FMO1: variants seen among roughly 807,000 people sequenced by gnomAD.
FMO1 encodes the protein flavin-containing monooxygenase 1.
In FMO1, 36 loss-of-function variants were observed where a neutral mutation model predicts 45.4. That is an observed-to-expected ratio of 0.79 (90% CI 0.61 to 1.05). The LOEUF (loss-of-function observed/expected upper bound fraction) is 1.05, where lower values mean the gene tolerates loss of function less well. Ranked by LOEUF, FMO1 falls within the 50% of genes least tolerant of loss-of-function variation. The pLI, the probability that FMO1 is intolerant of heterozygous loss-of-function variation, is 0.00. For missense variants in FMO1, 615 were observed against 640.3 expected, an observed-to-expected ratio of 0.96 and a Z score of 0.43; for synonymous variants, 228 against 227.2, an observed-to-expected ratio of 1.00 and a Z score of -0.03.
At chr1:171,281,028 C>A in intron 6 of FMO1, 43 bp downstream of exon 6, 2 of 1,538,686 alleles carry the variant, frequency 1.3e-6, no homozygotes, top group Non-Finnish European at 1.8e-6. Context: ...GAAGAAGGAG[C>A]CTCTGCCTGT....
intron 3 of FMO1, among the ~76,000 whole-genome samples, chr1:171,272,399 T>G (rs1660907329): frequency 6.6e-6 from 1 of 151,940 alleles, no homozygotes; most frequent in Admixed American, 6.6e-5. Context: ...CCACACAGAG[T>G]CTCTACTGGG....
intron 2 of FMO1, among the ~76,000 whole-genome samples, chr1:171,265,459 C>CA (rs1460280826): frequency 4.1e-5 from 6 of 146,672 alleles, no homozygotes; most frequent in African/African-American, 7.5e-5. Flanking sequence ...ATGACACAAA[C>CA]AAAAAATACA....
At chr1:171,265,457 A>G (rs1355543618) in intron 2 of FMO1, among the ~76,000 whole-genome samples, 1 of 152,160 alleles carries the variant, frequency 6.6e-6, no homozygotes, top group Non-Finnish European at 1.5e-5. Context: ...AAATGACACA[A>G]ACAAAAAATA....
chr1:171,260,757 C>T (rs1308750798), intron 2 of FMO1, among the ~76,000 whole-genome samples: 1 of 151,544 alleles, frequency 6.6e-6, no homozygotes, highest in African/African-American at 2.4e-5. Flanking sequence ...ATGGCGAAAT[C>T]CCATCTCTAC....
chr1:171,281,505 G>T (rs142835018), intron 6 of FMO1, among the ~76,000 whole-genome samples: 1 of 152,298 alleles, frequency 6.6e-6, no homozygotes, highest in East Asian at 1.9e-4. Context: ...AGCTCACAAA[G>T]TGTTTGTCTT....
At chr1:171,248,885 A>C (rs1318767272) in intron 1 of FMO1, among the ~76,000 whole-genome samples, 1 of 151,048 alleles carries the variant, frequency 6.6e-6, no homozygotes, top group Non-Finnish European at 1.5e-5. Context: ...TTCCATGTAC[A>C]CAGGTAAGTA....
intron 8 of FMO1, among the ~76,000 whole-genome samples, chr1:171,284,714 A>T (rs1661543979): frequency 6.6e-6 from 1 of 150,572 alleles, no homozygotes; most frequent in African/African-American, 2.5e-5. Context: ...CCTAGGTGAC[A>T]GAGCAAGACC....
At chr1:171,264,333 T>C (rs1004324944) in intron 2 of FMO1, among the ~76,000 whole-genome samples, 21 of 147,794 alleles carry the variant, frequency 1.4e-4, no homozygotes, top group African/African-American at 4.7e-4. Context: ...TGTATATATA[T>C]ATACACACAC....
At chr1:171,250,642 ATCAG>A (rs1372736502) in intron 1 of FMO1, among the ~76,000 whole-genome samples, 1 of 152,242 alleles carries the variant, frequency 6.6e-6, no homozygotes, top group African/African-American at 2.4e-5. Context: ...GTAGTTAAAA[ATCAG>A]TCACTTTTAT....
intron 3 of FMO1, chr1:171,271,002 ATCT>A (rs1660837102): frequency 8.4e-6 from 8 of 954,038 alleles, no homozygotes; most frequent in African/African-American, 4.9e-5. Flanking sequence ...CCTCATCATA[ATCT>A]TCTTCATCTT....
chr1:171,277,154 A>G (rs1321397775), intron 4 of FMO1, among the ~76,000 whole-genome samples: 1 of 152,200 alleles, frequency 6.6e-6, no homozygotes, highest in Non-Finnish European at 1.5e-5. Flanking sequence ...AGAGTTGAAG[A>G]GCAGTTCTCC....
intron 1 of FMO1, among the ~76,000 whole-genome samples, chr1:171,253,582 A>G (rs765636540): frequency 3.9e-5 from 6 of 152,008 alleles, no homozygotes; most frequent in Non-Finnish European, 7.4e-5. Flanking sequence ...ACCGACATGG[A>G]GAAACCCCAT....
chr1:171,254,095 C>CA (rs1470553676), intron 1 of FMO1: 1 of 148,310 alleles, frequency 6.7e-6, no homozygotes, highest in Non-Finnish European at 1.5e-5. Flanking sequence ...ACTGAGTTAA[C>CA]TTTTTTTTTT....
chr1:171,270,857 G>C, intron 3 of FMO1: 1 of 693,794 alleles, frequency 1.4e-6, no homozygotes, highest in Non-Finnish European at 2.3e-6. Context: ...ATCCTACACA[G>C]ACTTACATTT....
chr1:171,252,303 A>G (rs1264713567), intron 1 of FMO1, among the ~76,000 whole-genome samples: 1 of 152,072 alleles, frequency 6.6e-6, no homozygotes, highest in Non-Finnish European at 1.5e-5. Context: ...TTTAGCAGTG[A>G]CATTCCCAGA....
intron 3 of FMO1, among the ~76,000 whole-genome samples, chr1:171,274,875 G>C (rs1232758030): frequency 6.6e-6 from 1 of 152,158 alleles, no homozygotes; most frequent in East Asian, 1.9e-4. Context: ...CTTTTCAATT[G>C]CTTTCTAGTT....
chr1:171,263,440 A>C (rs1244532138), intron 2 of FMO1, among the ~76,000 whole-genome samples: 1 of 152,184 alleles, frequency 6.6e-6, no homozygotes, highest in African/African-American at 2.4e-5. Flanking sequence ...ACTACATTGC[A>C]TGCATTTCTG....
intron 8 of FMO1, among the ~76,000 whole-genome samples, chr1:171,283,844 C>A (rs1661499170): frequency 6.6e-6 from 1 of 152,088 alleles, no homozygotes; most frequent in Non-Finnish European, 1.5e-5. Context: ...TGTTACAGTA[C>A]CAAAGTTGTT....
At chr1:171,279,588 G>A (rs1661269999) in intron 5 of FMO1, among the ~76,000 whole-genome samples, 1 of 152,000 alleles carries the variant, frequency 6.6e-6, no homozygotes, top group Non-Finnish European at 1.5e-5. Flanking sequence ...CTTCTCAAGG[G>A]TTTTGCCCTG....
Sources: gnomAD v4.1 joint callset for allele counts (sites outside exome capture counted in the v4.1 genomes callset) on GRCh38, gnomAD v4.1.1 for gene constraint, MANE v1.5 for transcripts, NCBI Gene and HGNC (gene_info 2026-07-23, HGNC 2026-07-21) for gene names.